The following ZNF385D variants were observed in gnomAD, a reference collection of about 807,000 sequenced individuals.
The protein encoded by ZNF385D is zinc finger protein 385D.
Under a neutral mutation model 35.8 loss-of-function variants are expected in ZNF385D, and 15 were observed. The ratio of observed to expected loss-of-function variants is 0.42; its 90% CI spans 0.28 to 0.64. The LOEUF is 0.64. Among genes scored for constraint, ZNF385D ranks in the 30% least tolerant of loss-of-function variants. ZNF385D has a pLI of 0.23. For synonymous variants in ZNF385D, 212 were observed against 186.8 expected, an observed-to-expected ratio of 1.13 and a Z score of -1.10; for missense variants, 474 against 494.6, an observed-to-expected ratio of 0.96 and a Z score of 0.39.
At chr3:21,502,938 TA>T (rs1249717658) in intron 4 of ZNF385D, among the ~76,000 whole-genome samples, 1 of 152,172 alleles carries the variant, frequency 6.6e-6, no homozygotes, top group Non-Finnish European at 1.5e-5. Context: ...TCATGACAGT[TA>T]TTGTTCCAGT....
At chr3:21,723,840 C>T (rs2125457424) in intron 1 of ZNF385D, among the ~76,000 whole-genome samples, 1 of 152,154 alleles carries the variant, frequency 6.6e-6, no homozygotes, top group African/African-American at 2.4e-5. Flanking sequence ...CCCCAAGACA[C>T]ATAATGGTCA....
chr3:22,215,679 C>T (rs994209683), intron 2 of ZNF385D, among the ~76,000 whole-genome samples: 8 of 152,158 alleles, frequency 5.3e-5, no homozygotes, highest in African/African-American at 1.2e-4. Flanking sequence ...CCTGTAATCT[C>T]GCCCTGCCTC....
chr3:22,168,281 T>C (rs774216366), intron 3 of ZNF385D, among the ~76,000 whole-genome samples: 1 of 152,160 alleles, frequency 6.6e-6, no homozygotes, highest in Admixed American at 6.5e-5. Flanking sequence ...TATTCACTCA[T>C]AAATTCAACA....
chr3:21,712,108 C>T (rs1028385821), intron 1 of ZNF385D, among the ~76,000 whole-genome samples: 4 of 148,052 alleles, frequency 2.7e-5, no homozygotes, highest in African/African-American at 7.5e-5. Context: ...CCCTTTCCCT[C>T]GATGGCAATA....
At chr3:21,863,194 T>C (rs1160341842) in intron 3 of ZNF385D, among the ~76,000 whole-genome samples, 1 of 152,144 alleles carries the variant, frequency 6.6e-6, no homozygotes, top group African/African-American at 2.4e-5. Flanking sequence ...ACTAGAAGTT[T>C]CATTAAAAAG....
At chr3:22,066,532 CTG>C (rs10536628) in intron 3 of ZNF385D, among the ~76,000 whole-genome samples, 4,108 of 90,982 alleles carry the variant, frequency 0.045, 107 homozygotes, top group Admixed American at 0.062. Flanking sequence ...AGATGGTTCC[CTG>C]TGTGTGTGTG....
intron 2 of ZNF385D, among the ~76,000 whole-genome samples, chr3:22,287,461 CTT>C (rs1276608417): frequency 1.3e-5 from 2 of 151,888 alleles, no homozygotes; most frequent in Non-Finnish European, 2.9e-5. Flanking sequence ...CTCTTGCTGT[CTT>C]TGCGGCTTAA....
At chr3:21,730,167 T>C (rs993464366) in intron 1 of ZNF385D, among the ~76,000 whole-genome samples, 1 of 152,036 alleles carries the variant, frequency 6.6e-6, no homozygotes, top group African/African-American at 2.4e-5. Flanking sequence ...GAAGTTGGAG[T>C]GAAACTGAAC....
chr3:21,664,990 G>C lies in ZNF385D; in HGVS notation c.61C>G (p.Arg21Gly). 6.2e-7 allele frequency: 1 copy of C among 1,613,226 alleles called. No individual in the cohort carries two copies. The highest frequency in any genetic ancestry group is 8.5e-7 in the Non-Finnish European group (1 of 1,179,506). The change falls in exon 2 of 8, where the codon CGT becomes GGT. Residue 21 changes from arginine (R) to glycine (G), a missense_variant. Transcript: ENST00000281523. ...CQSPALPALV[R>G]PPAPPLQPSL... ...GGTTGCAAAGGAGGGGCTGGTGGACGGACAAGGGCCGGGAGAGCAGGACTC... is the reference window on the plus strand; with the variant it reads ...GGTTGCAAAGGAGGGGCTGGTGGACCGACAAGGGCCGGGAGAGCAGGACTC...
intron 3 of ZNF385D, among the ~76,000 whole-genome samples, chr3:22,121,499 A>G (rs1178947750): frequency 1.3e-5 from 2 of 152,206 alleles, no homozygotes; most frequent in Non-Finnish European, 2.9e-5. Flanking sequence ...GTAACCTGTT[A>G]AAATGAGAAA....
intron 3 of ZNF385D, among the ~76,000 whole-genome samples, chr3:22,011,200 G>C (rs143628004): frequency 6.6e-6 from 1 of 151,592 alleles, no homozygotes; most frequent in East Asian, 1.9e-4. Context: ...ATATGTATAC[G>C]TAAGCAAAAA....
chr3:22,145,810 C>G (rs888406707), intron 3 of ZNF385D, among the ~76,000 whole-genome samples: 5 of 152,118 alleles, frequency 3.3e-5, no homozygotes, highest in African/African-American at 9.7e-5. Context: ...GTTTCCCCAT[C>G]AAAGAGCTCT....
At chr3:21,861,854 T>G (rs1697071722) in intron 3 of ZNF385D, among the ~76,000 whole-genome samples, 1 of 152,078 alleles carries the variant, frequency 6.6e-6, no homozygotes, top group Non-Finnish European at 1.5e-5. Context: ...AGCATTCCCT[T>G]GAGACTTTGA....
chr3:21,875,264 C>A (rs911760086), intron 3 of ZNF385D, among the ~76,000 whole-genome samples: 11 of 151,718 alleles, frequency 7.3e-5, no homozygotes, highest in Admixed American at 6.6e-4. Context: ...AACCTAATTT[C>A]TTTGGTCAGA....
intron 2 of ZNF385D, among the ~76,000 whole-genome samples, chr3:22,247,696 C>A (rs1056173976): frequency 6.6e-6 from 1 of 151,940 alleles, no homozygotes; most frequent in South Asian, 2.1e-4. Flanking sequence ...GTGGTGCGAT[C>A]TTGGCTCACT....
chr3:21,699,706 AG>A (rs1298738075), intron 1 of ZNF385D, among the ~76,000 whole-genome samples: 2 of 152,090 alleles, frequency 1.3e-5, no homozygotes, highest in African/African-American at 4.8e-5. Context: ...TATATTATTA[AG>A]TAAAATACAT....
intron 3 of ZNF385D, among the ~76,000 whole-genome samples, chr3:21,808,338 T>A (rs76102504): frequency 1.3e-5 from 2 of 152,182 alleles, no homozygotes; most frequent in Admixed American, 1.3e-4. Flanking sequence ...CCTTCTTGAA[T>A]TTACCTTCCC....
chr3:21,575,110 A>C (rs534558530), intron 2 of ZNF385D, among the ~76,000 whole-genome samples: 3 of 152,318 alleles, frequency 2.0e-5, no homozygotes, highest in African/African-American at 7.2e-5. Context: ...TTTTCTTTTG[A>C]GTTCTTTACA....
chr3:22,258,413 C>A (rs1700425355), intron 2 of ZNF385D, among the ~76,000 whole-genome samples: 1 of 151,632 alleles, frequency 6.6e-6, no homozygotes, highest in African/African-American at 2.4e-5. Context: ...AATTGTGAAA[C>A]AAATACATTT....
Sources: gnomAD v4.1 joint callset for allele counts (sites outside exome capture counted in the v4.1 genomes callset) on GRCh38, gnomAD v4.1.1 for gene constraint, MANE v1.5 for transcripts, NCBI Gene and HGNC (gene_info 2026-07-23, HGNC 2026-07-21) for gene names.